SEPTIN11: variants seen among roughly 807,000 people sequenced by gnomAD.
The protein encoded by SEPTIN11 is septin 11.
SEPTIN11 carries 25 observed loss-of-function variants against 51.4 expected under a neutral mutation model. That is an observed-to-expected ratio of 0.49 (90% CI 0.35 to 0.68). The LOEUF (loss-of-function observed/expected upper bound fraction) is 0.68, where lower values mean the gene tolerates loss of function less well. Among genes scored for constraint, SEPTIN11 ranks in the 30% least tolerant of loss-of-function variants. The pLI, the probability that SEPTIN11 is intolerant of heterozygous loss-of-function variation, is 0.00. For missense variants in SEPTIN11, 381 were observed against 520.8 expected (o/e 0.73, Z 2.61); for synonymous variants, 174 against 184.1 (o/e 0.95, Z 0.44).
At chr4:76,965,656 T>C (rs556274185) in intron 1 of SEPTIN11, among the ~76,000 whole-genome samples, 1 of 152,212 alleles carries the variant, frequency 6.6e-6, no homozygotes, top group African/African-American at 2.4e-5. Flanking sequence ...AACAGACACA[T>C]TGAAGGAAAT....
intron 1 of SEPTIN11, among the ~76,000 whole-genome samples, chr4:76,987,281 C>A: frequency 6.6e-6 from 1 of 152,200 alleles, no homozygotes; most frequent in South Asian, 2.1e-4. Flanking sequence ...TGCCGCCTGG[C>A]GCTCTCTGTT....
intron 1 of SEPTIN11, among the ~76,000 whole-genome samples, chr4:76,969,318 A>C (rs1722150960): frequency 6.6e-6 from 1 of 152,148 alleles, no homozygotes; most frequent in Non-Finnish European, 1.5e-5. Context: ...GCCTCCAGAG[A>C]CCAGTATTGA....
At chr4:76,989,063 C>G (rs1028856143) in intron 1 of SEPTIN11, among the ~76,000 whole-genome samples, 3 of 152,026 alleles carry the variant, frequency 2.0e-5, no homozygotes, top group African/African-American at 7.2e-5. Context: ...GATTAAGAAG[C>G]CTTAGAATTA....
chr4:76,959,452 C>T (rs1377842489), intron 1 of SEPTIN11, among the ~76,000 whole-genome samples: 11 of 151,708 alleles, frequency 7.3e-5, no homozygotes, highest in Admixed American at 5.3e-4. Flanking sequence ...AAATTTGTAT[C>T]GCATCACCTA....
intron 2 of SEPTIN11, among the ~76,000 whole-genome samples, chr4:76,997,251 T>A (rs1230501484): frequency 2.0e-5 from 3 of 152,140 alleles, no homozygotes; most frequent in Non-Finnish European, 4.4e-5. Context: ...GTTGGCATTG[T>A]CCTCTGGGCA....
At chr4:76,995,791 TAAACTCTGCA>T (rs1293143630) in intron 1 of SEPTIN11, 10 of 1,527,456 alleles carry the variant, frequency 6.5e-6, no homozygotes, top group Non-Finnish European at 8.7e-6. Flanking sequence ...TCTACATCGG[TAAACTCTGCA>T]AAACTCCAGC....
At chr4:76,986,835 A>T (rs188623563) in intron 1 of SEPTIN11, among the ~76,000 whole-genome samples, 42 of 152,324 alleles carry the variant, frequency 2.8e-4, no homozygotes, top group South Asian at 8.3e-4. Context: ...AAAATCTTAT[A>T]TATTTTCTAT....
chr4:76,979,416 G>A (rs1722653072), intron 1 of SEPTIN11, among the ~76,000 whole-genome samples: 1 of 152,190 alleles, frequency 6.6e-6, no homozygotes, highest in South Asian at 2.1e-4. Context: ...GGTATGCTTT[G>A]AAAAGAGTCA....
chr4:77,003,095 T>C (rs746954941), intron 2 of SEPTIN11, among the ~76,000 whole-genome samples: 3 of 152,304 alleles, frequency 2.0e-5, no homozygotes, highest in Middle Eastern at 3.4e-3. Flanking sequence ...CTTACTTACC[T>C]CTCTTTGTAT....
chr4:77,038,738 T>C, downstream of SEPTIN11: 1 of 785,954 alleles, frequency 1.3e-6, no homozygotes, highest in South Asian at 3.2e-5. Context: ...GTGGTAGACT[T>C]CAAATGGCTG....
At chr4:77,027,028 C>G (rs765044378) in intron 7 of SEPTIN11, among the ~76,000 whole-genome samples, 7 of 152,192 alleles carry the variant, frequency 4.6e-5, no homozygotes, top group Admixed American at 1.3e-4. Flanking sequence ...AAACTCAAAA[C>G]ACTTGATTGT....
chr4:77,030,869 G>A lies in SEPTIN11; in HGVS notation c.1173G>A (p.Glu391=), dbSNP rs1193029854. The part of the protein sequence containing the change: ...VEDKKKELEE[E]VNNFQKKKAA... ...ACAAGAAGAAGGAGCTTGAGGAGGAGGTGAACAACTTCCAGAAGAAGAAAG... is the reference window on the plus strand; with the variant it reads ...ACAAGAAGAAGGAGCTTGAGGAGGAAGTGAACAACTTCCAGAAGAAGAAAG... The change falls in exon 9 of 10, where the codon GAG becomes GAA. Residue 391 remains glutamate, a synonymous_variant. Coordinates refer to ENST00000264893, the MANE Select transcript of SEPTIN11 (RefSeq NM_018243.4). 1 of 1,613,702 alleles carries A rather than the reference G, an allele frequency of 6.2e-7. No homozygotes were observed. Among genetic ancestry groups the A allele is most frequent in the Non-Finnish European group, 8.5e-7 (1 of 1,179,956 alleles).
chr4:76,959,225 G>A, intron 1 of SEPTIN11: 1 of 238,840 alleles, frequency 4.2e-6, no homozygotes, highest in Non-Finnish European at 8.6e-6. Flanking sequence ...CGGATCCAAA[G>A]CACTGGACTG....
intron 8 of SEPTIN11, among the ~76,000 whole-genome samples, chr4:77,029,801 TAC>T (rs986281954): frequency 2.0e-5 from 3 of 151,780 alleles, no homozygotes; most frequent in African/African-American, 4.8e-5. Context: ...CACACACATA[TAC>T]ACACATATAT....
In SEPTIN11 at chr4:76,950,026, C is replaced by T. The variant is rs562304011; in HGVS notation, c.27+96C>T. ...GGACCACAGGGGAGCCGGGCGGGTG[C>T]TCGGCCCCGCGGCGGCGGCGACGGC... On this transcript the variant is annotated intron_variant, in intron 1 of 9. Transcript: ENST00000264893. 78 of 1,239,302 alleles carry T rather than the reference C, an allele frequency of 6.3e-5. 1 individual carries two copies. The South Asian group carries it at 1.1e-3, about 17-fold the overall frequency. The allele number at this position is 1,239,302 out of a possible 1,614,324, so 76.8% of individuals were successfully genotyped here.
chr4:77,033,858 T>A (rs946078803), intron 9 of SEPTIN11, among the ~76,000 whole-genome samples: 1 of 152,210 alleles, frequency 6.6e-6, no homozygotes. Context: ...GGTTGCATGT[T>A]TTGCAGTTGC....
intron 1 of SEPTIN11, among the ~76,000 whole-genome samples, chr4:76,986,265 C>T (rs1723023731): frequency 6.6e-6 from 1 of 151,350 alleles, no homozygotes; most frequent in African/African-American, 2.4e-5. Context: ...TGCTATTTGG[C>T]GTGAAAAAAA....
At position 76,963,577 on chromosome 4, in the gene SEPTIN11, A is replaced by G. The variant is rs148481571; in HGVS notation, c.27+13647A>G. On this transcript the variant is annotated intron_variant, in intron 1 of 9. Coordinates refer to ENST00000264893, the MANE Select transcript of SEPTIN11 (RefSeq NM_018243.4). Reference sequence around the variant, plus strand: ...CCATGATGATGGAAAATGTTCCACTATTGCATAGTTGCCATCACAGTCGTC... The same window carrying G: ...CCATGATGATGGAAAATGTTCCACTGTTGCATAGTTGCCATCACAGTCGTC... Among the ~76,000 whole-genome samples the G allele has an allele frequency of 5.4e-4, 83 of 152,368 alleles. 1 individual carries two copies. In the East Asian group the frequency reaches 0.01, roughly 19 times the overall value.
At position 77,012,611 on chromosome 4, in the gene SEPTIN11, CA is replaced by C. The variant is rs530621356; in HGVS notation, c.525+691del. Among the ~76,000 whole-genome samples, 7 of 152,368 alleles carry C rather than the reference CA, an allele frequency of 4.6e-5. No homozygotes were observed. The East Asian group carries it at 1.3e-3, about 29-fold the overall frequency. The stretch of plus-strand genomic sequence containing the variant: ...ACCGTTAGATTCAAAACCCCTTTTG[CA>C]TTCACAGAAAAGTCTTATCAGATGA... On this transcript the variant is annotated intron_variant, in intron 4 of 9. Coordinates refer to ENST00000264893, the MANE Select transcript of SEPTIN11 (RefSeq NM_018243.4).
Sources: allele counts gnomAD v4.1 joint callset (sites outside exome capture counted in the v4.1 genomes callset), GRCh38; gene constraint gnomAD v4.1.1; transcripts MANE v1.5; gene names NCBI Gene and HGNC (gene_info 2026-07-23, HGNC 2026-07-21).